The following PIRT variants were observed in gnomAD, a reference collection of about 807,000 sequenced individuals.
PIRT encodes phosphoinositide interacting regulator of transient receptor potential channels.
Under a neutral mutation model 7.9 loss-of-function variants are expected in PIRT, and 6 were observed. The ratio of observed to expected loss-of-function variants is 0.76; its 90% confidence interval spans 0.42 to 1.51. The LOEUF (loss-of-function observed/expected upper bound fraction) is 1.51, where lower values mean the gene tolerates loss of function less well. PIRT is among the 40% of genes most tolerant of loss of function. The probability of loss-of-function intolerance (pLI) is 0.01; values close to 1 mark genes in which losing one functional copy is unlikely to be tolerated. For synonymous variants in PIRT, 78 were observed against 71.8 expected (o/e 1.09, Z -0.44); for missense variants, 170 against 172.9 (o/e 0.98, Z 0.09).
chr17:10,836,738 T>C (rs948229745), intron 1 of PIRT, among the ~76,000 whole-genome samples: 1 of 152,090 alleles, frequency 6.6e-6, no homozygotes, highest in Non-Finnish European at 1.5e-5. Flanking sequence ...AGGCACACAT[T>C]ACCTCACTGC....
At chr17:10,829,983 C>T (rs1905425379) in intron 1 of PIRT, among the ~76,000 whole-genome samples, 1 of 151,672 alleles carries the variant, frequency 6.6e-6, no homozygotes, top group Non-Finnish European at 1.5e-5. Flanking sequence ...ATCTATCTAT[C>T]TATCTATCTA....
chr17:10,835,469 G>C (rs538137370), intron 1 of PIRT, among the ~76,000 whole-genome samples: 199 of 152,340 alleles, frequency 1.3e-3, no homozygotes, highest in Admixed American at 2.1e-3. Flanking sequence ...GGATTGGAAT[G>C]TGAGTTTTGC....
At position 10,827,424 on chromosome 17, in the gene PIRT, G is replaced by A. The variant is rs967020267; in HGVS notation, c.-138-1641C>T. ...CAGTGCTTTCTCAAATTCTTTTCAT[G>A]TCCGATTAAAGCATTTCTTTCTTTT... On this transcript the variant is annotated intron_variant, in intron 1 of 1. Coordinates refer to ENST00000580256, the MANE Select transcript of PIRT (RefSeq NM_001101387.2). Among the ~76,000 whole-genome samples the A allele has an allele frequency of 2.2e-5, 3 of 135,940 alleles. No individual in the cohort carries two copies. The South Asian group carries it at 7.4e-4, about 33-fold the overall frequency. 89.2% of individuals were successfully genotyped at this position (135,940 alleles called of 152,430 possible).
intron 1 of PIRT, among the ~76,000 whole-genome samples, chr17:10,829,541 C>T (rs564385860): frequency 1.8e-4 from 27 of 152,306 alleles, no homozygotes; most frequent in African/African-American, 6.0e-4. Context: ...GCTTGGCGAA[C>T]TATACCAACC....
At chr17:10,837,248 G>A (rs149191662) in intron 1 of PIRT, among the ~76,000 whole-genome samples, 33 of 152,352 alleles carry the variant, frequency 2.2e-4, no homozygotes, top group African/African-American at 7.5e-4. Context: ...TAGCTCGGGC[G>A]ATTGCGTGTG....
At position 10,825,151 on chromosome 17, in the gene PIRT, C is replaced by A. The variant is rs1337164177; in HGVS notation, c.*81G>T. On this transcript the variant is annotated 3_prime_UTR_variant, in exon 2 of 2. Transcript: ENST00000580256. ...TTTCCTGGATCAGTTTTATGGCACC[C>A]CACAGAGGAGACAGGGATGTCGGAT... 5.3e-6 allele frequency: 8 copies of A among 1,516,788 alleles called. No homozygotes were observed. The highest frequency in any genetic ancestry group is 7.1e-6 in the Non-Finnish European group (8 of 1,119,162). 94.0% of individuals were successfully genotyped at this position (1,516,788 alleles called of 1,614,324 possible). A position where few individuals can be genotyped will look rare whatever the true frequency, so the allele number is the denominator to read the frequency against.
intron 1 of PIRT, among the ~76,000 whole-genome samples, chr17:10,827,146 C>A (rs1905340895): frequency 6.6e-6 from 1 of 152,144 alleles, no homozygotes; most frequent in Admixed American, 6.5e-5. Context: ...TAAACGCCAC[C>A]CTTCCCTACC....
At chr17:10,829,390 G>A (rs1490207618) in intron 1 of PIRT, among the ~76,000 whole-genome samples, 1 of 152,150 alleles carries the variant, frequency 6.6e-6, no homozygotes, top group African/African-American at 2.4e-5. Context: ...GGCCACTGCA[G>A]GGACATTGGA....
chr17:10,825,791 C>A lies in PIRT; in HGVS notation c.-138-8G>T. ...GTGAACAAGGTTTTTGTGCTGAAGC[C>A]AAAAAAGAAAATGAAATGAAATTCA... is the stretch of plus-strand genomic sequence containing the variant. On this transcript the variant is annotated splice_polypyrimidine_tract_variant and splice_region_variant and intron_variant, in intron 1 of 1. Coordinates refer to ENST00000580256, the MANE Select transcript of PIRT (RefSeq NM_001101387.2). 2.7e-6 allele frequency: 2 copies of A among 731,604 alleles called. No homozygotes were observed. The highest frequency in any genetic ancestry group is 3.9e-6 in the Non-Finnish European group (2 of 515,108). The allele number at this position is 731,604 out of a possible 1,614,324, so 45.3% of individuals were successfully genotyped here.
At chr17:10,835,464 G>A (rs1567617470) in intron 1 of PIRT, among the ~76,000 whole-genome samples, 1 of 152,230 alleles carries the variant, frequency 6.6e-6, no homozygotes, top group Non-Finnish European at 1.5e-5. Flanking sequence ...CATCTGGATT[G>A]GAATGTGAGT....
Position 10,825,143 on chromosome 17 carries a change from A to C in PIRT, c.*89T>G. On this transcript the variant is annotated 3_prime_UTR_variant, in exon 2 of 2. Coordinates refer to ENST00000580256, the MANE Select transcript of PIRT (RefSeq NM_001101387.2). Reference sequence around the variant, plus strand: ...AAGAGCATTTTCCTGGATCAGTTTTATGGCACCCCACAGAGGAGACAGGGA... The same window carrying C: ...AAGAGCATTTTCCTGGATCAGTTTTCTGGCACCCCACAGAGGAGACAGGGA... The C allele has an allele frequency of 1.4e-6, 2 of 1,478,948 alleles. No homozygotes were observed. The highest frequency in any genetic ancestry group is 1.8e-6 in the Non-Finnish European group (2 of 1,093,998). 91.6% of individuals were successfully genotyped at this position (1,478,948 alleles called of 1,614,324 possible).
At chr17:10,835,834 G>GT (rs1305289794) in intron 1 of PIRT, among the ~76,000 whole-genome samples, 1 of 152,000 alleles carries the variant, frequency 6.6e-6, no homozygotes, top group Non-Finnish European at 1.5e-5. Flanking sequence ...CTTTAGGAGG[G>GT]TAATACTATT....
chr17:10,834,537 G>T (rs1228023435), intron 1 of PIRT, among the ~76,000 whole-genome samples: 1 of 152,122 alleles, frequency 6.6e-6, no homozygotes, highest in African/African-American at 2.4e-5. Flanking sequence ...ACATTGGTGG[G>T]GTTTGCATGA....
chr17:10,827,500 GT>G (rs1395262502), intron 1 of PIRT, among the ~76,000 whole-genome samples: 1 of 54,428 alleles, frequency 1.8e-5, no homozygotes, highest in African/African-American at 8.8e-5. Flanking sequence ...TTGAAGTGGA[GT>G]TTTGCTCTTG....
intron 1 of PIRT, among the ~76,000 whole-genome samples, chr17:10,835,008 T>C (rs1905553913): frequency 6.6e-6 from 1 of 152,008 alleles, no homozygotes; most frequent in Non-Finnish European, 1.5e-5. Flanking sequence ...CCTTTGATAT[T>C]ACAGCCAGGT....
intron 1 of PIRT, among the ~76,000 whole-genome samples, chr17:10,830,806 A>G (rs1488309531): frequency 6.6e-6 from 1 of 152,202 alleles, no homozygotes; most frequent in Non-Finnish European, 1.5e-5. Context: ...CTTTTTAACA[A>G]TGGCACTGTT....
Position 10,825,393 on chromosome 17 carries a change from T to C in PIRT, c.253A>G (p.Ser85Gly), listed in dbSNP as rs765442098. Residue 85 changes from serine (S) to glycine (G), a missense_variant, in exon 2 of 2, where the codon AGT becomes GGT. Physicochemically the swap from Ser to Gly is moderately conservative, Grantham distance 56. Transcript: ENST00000580256. ...CCTACCATTTTGAGGATGGAGAGAC[T>C]CTTGTCACTCAGCTTCAAGGTGTAG... ...LAYTLKLSDK[S>G]LSILKMVGPG... is the part of the protein sequence containing the mutation. The C allele has an allele frequency of 1.9e-6, 3 of 1,613,934 alleles. No homozygotes were observed. In the South Asian group the frequency reaches 3.3e-5, roughly 18 times the overall value.
intron 1 of PIRT, among the ~76,000 whole-genome samples, chr17:10,837,581 C>T (rs952945104): frequency 6.6e-6 from 1 of 152,220 alleles, no homozygotes; most frequent in African/African-American, 2.4e-5. Context: ...GCTTCTTCCA[C>T]TTAGATTTGG....
Position 10,823,776 on chromosome 17 carries a change from C to A in PIRT, c.*1456G>T, listed in dbSNP as rs1330231953. ...CCAGGCCCTCTGGAAACCCACTTCCCGTCTCTACCATAGACACCAGGAGGC... is the reference window on the plus strand; with the variant it reads ...CCAGGCCCTCTGGAAACCCACTTCCAGTCTCTACCATAGACACCAGGAGGC... On this transcript the variant is annotated 3_prime_UTR_variant, in exon 2 of 2. Transcript: ENST00000580256. 1 of 152,166 alleles carries A rather than the reference C, an allele frequency of 6.6e-6. No individual in the cohort carries two copies. The highest frequency in any genetic ancestry group is 1.9e-4 in the East Asian group (1 of 5,178). 9.4% of individuals were successfully genotyped at this position (152,166 alleles called of 1,614,324 possible).
Sources: gnomAD v4.1 joint callset for allele counts (sites outside exome capture counted in the v4.1 genomes callset) on GRCh38, gnomAD v4.1.1 for gene constraint, MANE v1.5 for transcripts, NCBI Gene and HGNC (gene_info 2026-07-23, HGNC 2026-07-21) for gene names.